Variants in MORN4 observed in about 807,000 individuals in gnomAD.
MORN4 encodes the protein MORN repeat-containing protein 4.
A neutral mutation model predicts 16.4 loss-of-function variants in MORN4; 8 were observed. The observed-to-expected ratio is 0.49, with a 90% CI of 0.29 to 0.88. The LOEUF (loss-of-function observed/expected upper bound fraction) is 0.88. MORN4 is among the 40% of genes least tolerant of loss of function. The pLI, the probability that MORN4 is intolerant of heterozygous loss-of-function variation, is 0.09. For missense variants in MORN4, 159 were observed against 182.9 expected, an observed-to-expected ratio of 0.87 and a Z score of 0.75; for synonymous variants, 53 against 68.9, an observed-to-expected ratio of 0.77 and a Z score of 1.14.
intron 1 of MORN4, among the ~76,000 whole-genome samples, chr10:97,619,942 C>G (rs1025996259): frequency 7.2e-5 from 11 of 152,134 alleles, no homozygotes; most frequent in African/African-American, 2.4e-4. Context: ...TGGAAATCTA[C>G]AAATATTAAT....
chr10:97,625,476 T>C (rs2041338573), intron 1 of MORN4, among the ~76,000 whole-genome samples: 1 of 152,188 alleles, frequency 6.6e-6, no homozygotes, highest in Non-Finnish European at 1.5e-5. Context: ...GACACACACG[T>C]AAGTACCTAG....
chr10:97,631,787 T>G (rs2041397780), intron 1 of MORN4, among the ~76,000 whole-genome samples: 1 of 151,962 alleles, frequency 6.6e-6, no homozygotes, highest in Non-Finnish European at 1.5e-5. Flanking sequence ...ATACAAAAAT[T>G]TGCTGGGTGT....
intron 1 of MORN4, among the ~76,000 whole-genome samples, chr10:97,620,977 C>T (rs1051484749): frequency 2.6e-5 from 4 of 151,750 alleles, no homozygotes; most frequent in Admixed American, 6.6e-5. Flanking sequence ...AAAAATTAGC[C>T]GGGTGTGGTG....
chr10:97,629,526 A>T (rs1423414142), intron 1 of MORN4, among the ~76,000 whole-genome samples: 1 of 152,234 alleles, frequency 6.6e-6, no homozygotes, highest in Non-Finnish European at 1.5e-5. Context: ...CTGAAAGCCA[A>T]GCCACACAGA....
At chr10:97,632,158 G>C (rs998707676) in intron 1 of MORN4, among the ~76,000 whole-genome samples, 1 of 145,862 alleles carries the variant, frequency 6.9e-6, no homozygotes. Context: ...AGGCTTTGAT[G>C]AACAAAGATT....
chr10:97,633,232 G>A lies in MORN4; in HGVS notation c.-31+115C>T. ...CACAGGCAACCGCCCTCAGGTCAGC[G>A]TATCCGAGGTGGAGCCGCGCCCCCG... On this transcript the variant is annotated intron_variant, in intron 1 of 4. Coordinates refer to ENST00000307450, the MANE Select transcript of MORN4 (RefSeq NM_178832.4). This position sits in a 1 kb window ranked among gnomAD's most constrained non-coding sequence, Gnocchi z 4.5. 1 of 1,174,538 alleles carries A rather than the reference G, an allele frequency of 8.5e-7. No homozygotes were observed. The highest frequency in any genetic ancestry group is 1.1e-6 in the Non-Finnish European group (1 of 906,192). 72.8% of individuals were successfully genotyped at this position (1,174,538 alleles called of 1,614,324 possible). A position where few individuals can be genotyped will look rare whatever the true frequency, so the allele number is the denominator to read the frequency against.
chr10:97,625,847 A>C (rs2041341308), intron 1 of MORN4, among the ~76,000 whole-genome samples: 1 of 152,128 alleles, frequency 6.6e-6, no homozygotes, highest in African/African-American at 2.4e-5. Flanking sequence ...AACTCACTGC[A>C]ACCCTGAACT....
chr10:97,630,013 C>T (rs2041382480), intron 1 of MORN4, among the ~76,000 whole-genome samples: 1 of 151,356 alleles, frequency 6.6e-6, no homozygotes, highest in African/African-American at 2.4e-5. Context: ...CAAGCTCTGC[C>T]TCCCAGGTTC....
rs781419755 is a variant in MORN4 at position 97,617,242 on chromosome 10, C to T, written c.148G>A (p.Gly50Ser). Residue 50 changes from glycine (G) to serine (S), a missense_variant, in exon 3 of 5, where the codon GGC (glycine) becomes AGC (serine). Coordinates refer to ENST00000307450, the MANE Select transcript of MORN4 (RefSeq NM_178832.4). ...LGHFENGLFNGFGVLTFSDGS... is the reference protein window; with the variant it reads ...LGHFENGLFNSFGVLTFSDGS... ...TCTGAGAAGGTCAATACCCCAAAGC[C>T]ATTAAAGAGCCCATTCTCAAAATGA... 3 of 1,614,166 alleles carry T rather than the reference C, an allele frequency of 1.9e-6. No individual in the cohort carries two copies. The highest frequency in any genetic ancestry group is 2.5e-6 in the Non-Finnish European group (3 of 1,180,030).
At chr10:97,626,754 ATTT>A (rs536665432) in intron 1 of MORN4, among the ~76,000 whole-genome samples, 17,050 of 110,790 alleles carry the variant, frequency 0.15, 2,889 homozygotes, top group African/African-American at 0.43. Context: ...CTGTGCCCAG[ATTT>A]TTTTTTTTTT....
At position 97,617,329 on chromosome 10, in the gene MORN4, A is replaced by G; in HGVS notation, c.68-7T>C. On this transcript the variant is annotated splice_region_variant and splice_polypyrimidine_tract_variant and intron_variant, in intron 2 of 4. Coordinates refer to ENST00000307450, the MANE Select transcript of MORN4 (RefSeq NM_178832.4). ...CCAAAACCATGCCTGCGGCCTGAACAAAGAGAAGGATAGGTGTCAGGTTGG... is the reference window on the plus strand; with the variant it reads ...CCAAAACCATGCCTGCGGCCTGAACGAAGAGAAGGATAGGTGTCAGGTTGG... 3.1e-6 allele frequency: 5 copies of G among 1,613,024 alleles called. No homozygotes were observed. Among genetic ancestry groups the G allele is most frequent in the Non-Finnish European group, 4.2e-6 (5 of 1,178,976 alleles).
At chr10:97,630,148 C>T (rs1262678141) in intron 1 of MORN4, among the ~76,000 whole-genome samples, 3 of 151,780 alleles carry the variant, frequency 2.0e-5, no homozygotes, top group African/African-American at 7.3e-5. Flanking sequence ...AGGATGGTCT[C>T]GATCTCCTGA....
chr10:97,617,468 G>T (rs12415560), intron 2 of MORN4, 146 bp from the exon 3 acceptor site: 11,229 of 685,090 alleles, frequency 0.016, 805 homozygotes, highest in East Asian at 0.13. Flanking sequence ...AGGATTATTA[G>T]CCAGAGTCAG....
At chr10:97,628,374 CT>C (rs1374642515) in intron 1 of MORN4, among the ~76,000 whole-genome samples, 1 of 152,172 alleles carries the variant, frequency 6.6e-6, no homozygotes, top group Non-Finnish European at 1.5e-5. Context: ...TATTTATTTA[CT>C]TTTTCTCAAG....
At chr10:97,624,004 G>A (rs1353739216) in intron 1 of MORN4, among the ~76,000 whole-genome samples, 3 of 151,962 alleles carry the variant, frequency 2.0e-5, no homozygotes, top group Admixed American at 1.3e-4. Flanking sequence ...CCAAAGTGCT[G>A]GGATTACAGG....
chr10:97,617,107 A>G, intron 3 of MORN4, 101 bp downstream of exon 3: 1 of 892,710 alleles, frequency 1.1e-6, no homozygotes, highest in Non-Finnish European at 1.9e-6. Context: ...TTCTGCAGGG[A>G]GTGAGACAAG....
At position 97,633,301 on chromosome 10, in the gene MORN4, G is replaced by T; in HGVS notation, c.-31+46C>A. The T allele has an allele frequency of 7.8e-7, 1 of 1,285,234 alleles. No homozygotes were observed. The highest frequency in any genetic ancestry group is 1.2e-5 in the South Asian group (1 of 80,622). The allele number at this position is 1,285,234 out of a possible 1,614,324, so 79.6% of individuals were successfully genotyped here. Reference sequence around the variant, plus strand: ...TCCGTTCCTCAGTGCCCACCTGACCGATCACACTCTTTCCCGGCCCCCTCC... The same window carrying T: ...TCCGTTCCTCAGTGCCCACCTGACCTATCACACTCTTTCCCGGCCCCCTCC... On this transcript the variant is annotated intron_variant, in intron 1 of 4. Coordinates refer to ENST00000307450, the MANE Select transcript of MORN4 (RefSeq NM_178832.4). This position sits in a 1 kb window ranked among gnomAD's most constrained non-coding sequence, Gnocchi z 4.5.
In MORN4 at chr10:97,616,194, G is replaced by T; in HGVS notation, c.*69C>A. 7.0e-7 allele frequency: 1 copy of T among 1,434,442 alleles called. No individual in the cohort carries two copies. The highest frequency in any genetic ancestry group is 2.4e-5 in the Admixed American group (1 of 42,028). 88.9% of individuals were successfully genotyped at this position (1,434,442 alleles called of 1,614,324 possible). On this transcript the variant is annotated 3_prime_UTR_variant, in exon 5 of 5. Coordinates refer to ENST00000307450, the MANE Select transcript of MORN4 (RefSeq NM_178832.4). ...AACTCATCTCAGCTCTGATTCATTT[G>T]TTCACCTCGAATCAACAACAGGGGC...
At chr10:97,620,157 A>G (rs1207199259) in intron 1 of MORN4, among the ~76,000 whole-genome samples, 1 of 151,980 alleles carries the variant, frequency 6.6e-6, no homozygotes, top group Non-Finnish European at 1.5e-5. Context: ...GCAGACAAGC[A>G]GTGGAGAAGG....
Sources: gnomAD v4.1 joint callset for allele counts (sites outside exome capture counted in the v4.1 genomes callset) on GRCh38, gnomAD v4.1.1 for gene constraint, Gnocchi (gnomAD v3.1) non-coding constraint, MANE v1.5 for transcripts, NCBI Gene and HGNC (gene_info 2026-07-23, HGNC 2026-07-21) for gene names.